NEO1: variants seen among roughly 807,000 people sequenced by gnomAD.
NEO1 encodes the protein neogenin 1, also known as neogenin.
NEO1 carries 63 observed loss-of-function variants against 159.7 expected under a neutral mutation model. That is an observed-to-expected ratio of 0.39 (90% CI 0.32 to 0.49). The LOEUF is 0.49. Among genes scored for constraint, NEO1 ranks in the 20% least tolerant of loss-of-function variants. The pLI, the probability that NEO1 is intolerant of heterozygous loss-of-function variation, is 0.85. For missense variants in NEO1, 1,615 were observed against 1,831.0 expected, an observed-to-expected ratio of 0.88 and a Z score of 2.15; for synonymous variants, 633 against 662.0, an observed-to-expected ratio of 0.96 and a Z score of 0.67.
rs1227725685 is a variant in NEO1 at position 73,147,637 on chromosome 15, A to T, written c.1015+11610A>T. Among the ~76,000 whole-genome samples, 6 of 152,312 alleles carry T rather than the reference A, an allele frequency of 3.9e-5. No homozygotes were observed. In the East Asian group the frequency reaches 1.2e-3, roughly 29 times the overall value. On this transcript the variant is annotated intron_variant, in intron 5 of 28. Coordinates refer to ENST00000261908, the MANE Select transcript of NEO1 (RefSeq NM_002499.4). ...GTCCCTTCCAGCCCAGAAGTAAGTG[A>T]AAAGATTTGACTATCATTGTTGGCA...
chr15:73,258,524 G>A (rs71397281), intron 13 of NEO1, among the ~76,000 whole-genome samples: 1 of 152,060 alleles, frequency 6.6e-6, no homozygotes, highest in Admixed American at 6.5e-5. Context: ...TAATCTCCTG[G>A]GAGCTTCAGT....
intron 7 of NEO1, among the ~76,000 whole-genome samples, chr15:73,180,854 TATTA>T (rs201745223): frequency 0.014 from 2,066 of 152,312 alleles, 18 homozygotes; most frequent in South Asian, 0.017. Context: ...AGTGTCATGT[TATTA>T]ATTGTGTTTT....
At chr15:73,239,718 C>T (rs1299185935) in intron 8 of NEO1, among the ~76,000 whole-genome samples, 2 of 152,152 alleles carry the variant, frequency 1.3e-5, no homozygotes. Flanking sequence ...GCTATACCAT[C>T]GAGGTTTGCA....
chr15:73,242,646 G>A (rs1211706736), intron 8 of NEO1, among the ~76,000 whole-genome samples: 5 of 152,116 alleles, frequency 3.3e-5, no homozygotes, highest in African/African-American at 1.2e-4. Flanking sequence ...CTCCAGCCTG[G>A]GTGACAGAGT....
chr15:73,193,319 G>C (rs2050950436), intron 7 of NEO1, among the ~76,000 whole-genome samples: 2 of 151,932 alleles, frequency 1.3e-5, no homozygotes, highest in East Asian at 1.9e-4. Flanking sequence ...ATAGACCTTA[G>C]AGAGCTGAGT....
intron 1 of NEO1, among the ~76,000 whole-genome samples, chr15:73,078,757 T>A (rs924817582): frequency 1.4e-4 from 22 of 152,214 alleles, no homozygotes; most frequent in African/African-American, 4.8e-4. Context: ...CAGCGCTGGG[T>A]GTTTCTAAGG....
chr15:73,247,386 A>G (rs905936665), intron 9 of NEO1, among the ~76,000 whole-genome samples: 1 of 152,228 alleles, frequency 6.6e-6, no homozygotes, highest in African/African-American at 2.4e-5. Flanking sequence ...CACTTGGCCA[A>G]TGAATATATT....
intron 9 of NEO1, among the ~76,000 whole-genome samples, chr15:73,244,977 A>AAC (rs1555458857): frequency 0.18 from 19,939 of 111,992 alleles, 4,031 homozygotes; most frequent in East Asian, 0.46. Context: ...AAAAAAAAAA[A>AAC]AAAAAACAAC....
chr15:73,124,929 A>G (rs966013820), intron 3 of NEO1, among the ~76,000 whole-genome samples: 3 of 152,148 alleles, frequency 2.0e-5, no homozygotes, highest in African/African-American at 7.2e-5. Flanking sequence ...AAATATACCT[A>G]AGTAATTCAA....
intron 4 of NEO1, among the ~76,000 whole-genome samples, chr15:73,133,186 T>C (rs544348924): frequency 6.6e-6 from 1 of 151,968 alleles, no homozygotes; most frequent in African/African-American, 2.4e-5. Context: ...TATATATATA[T>C]ACGTATATAT....
intron 5 of NEO1, among the ~76,000 whole-genome samples, chr15:73,173,071 T>A (rs1190540358): frequency 6.6e-6 from 1 of 152,234 alleles, no homozygotes; most frequent in Non-Finnish European, 1.5e-5. Flanking sequence ...ATAAATTTTA[T>A]TTAACACAAG....
intron 1 of NEO1, among the ~76,000 whole-genome samples, chr15:73,067,607 G>A (rs1289248303): frequency 2.0e-5 from 3 of 148,338 alleles, no homozygotes; most frequent in Non-Finnish European, 4.5e-5. Flanking sequence ...CTGCCACCAC[G>A]CCCAGCTAAT....
chr15:73,171,433 G>C (rs940662555), intron 5 of NEO1, among the ~76,000 whole-genome samples: 1 of 151,672 alleles, frequency 6.6e-6, no homozygotes, highest in Non-Finnish European at 1.5e-5. Context: ...GTGTGGTGGT[G>C]CGTTCCTGTA....
intron 1 of NEO1, among the ~76,000 whole-genome samples, chr15:73,112,932 T>C (rs1241030123): frequency 1.3e-5 from 2 of 152,196 alleles, no homozygotes; most frequent in African/African-American, 4.8e-5. Flanking sequence ...GGATAACCAG[T>C]TGTCCTAGTA....
chr15:73,225,792 G>A (rs544010519), intron 7 of NEO1, among the ~76,000 whole-genome samples: 1 of 152,196 alleles, frequency 6.6e-6, no homozygotes, highest in African/African-American at 2.4e-5. Flanking sequence ...ACCCTTTCCC[G>A]AGTTCTGGCC....
chr15:73,066,093 A>G lies in NEO1; in HGVS notation c.130+13288A>G, dbSNP rs141048365. Among the ~76,000 whole-genome samples, 414 of 146,656 alleles carry G rather than the reference A, an allele frequency of 2.8e-3. 2 individuals are homozygous for G. The highest frequency in any genetic ancestry group is 9.8e-3 in the African/African-American group (391 of 40,062). On this transcript the variant is annotated intron_variant, in intron 1 of 28. Transcript: ENST00000261908. ...GTCACCCAGGCTGGAGTGCAGTGGCATGATCTTGGCTCACTGCAGGTTCAT... is the reference window on the plus strand; with the variant it reads ...GTCACCCAGGCTGGAGTGCAGTGGCGTGATCTTGGCTCACTGCAGGTTCAT...
intron 5 of NEO1, among the ~76,000 whole-genome samples, chr15:73,175,337 G>T (rs1044937566): frequency 1.3e-5 from 2 of 152,128 alleles, no homozygotes; most frequent in African/African-American, 4.8e-5. Context: ...ACTTAGAATA[G>T]CATCAAAAGT....
chr15:73,254,496 G>A (rs1177981305), intron 12 of NEO1, among the ~76,000 whole-genome samples, 186 bp from the exon 13 acceptor site: 1 of 152,054 alleles, frequency 6.6e-6, no homozygotes, highest in Non-Finnish European at 1.5e-5. Flanking sequence ...CTTCCCATTT[G>A]ATCATTGAGG....
intron 22 of NEO1, among the ~76,000 whole-genome samples, chr15:73,279,052 T>C (rs953695780): frequency 6.6e-6 from 1 of 152,304 alleles, no homozygotes; most frequent in South Asian, 2.1e-4. Flanking sequence ...ATAGTCTAAT[T>C]GTAGGAATAC....
Sources: allele counts gnomAD v4.1 joint callset (sites outside exome capture counted in the v4.1 genomes callset), GRCh38; gene constraint gnomAD v4.1.1; transcripts MANE v1.5; gene names NCBI Gene and HGNC (gene_info 2026-07-23, HGNC 2026-07-21).